COL12A1: variants seen among roughly 807,000 people sequenced by gnomAD.
COL12A1 encodes the protein collagen type XII alpha 1 chain.
Under a neutral mutation model 349.7 loss-of-function variants are expected in COL12A1, and 114 were observed. The ratio of observed to expected loss-of-function variants is 0.33; its 90% confidence interval spans 0.28 to 0.38. The LOEUF is 0.38. COL12A1 is among the 10% of genes least tolerant of loss of function. The probability of loss-of-function intolerance (pLI) is 1.00; values close to 1 mark genes in which losing one functional copy is unlikely to be tolerated. For missense variants in COL12A1, 3,284 were observed against 3,756.9 expected (o/e 0.87, Z 3.29); for synonymous variants, 1,369 against 1,329.0 (o/e 1.03, Z -0.66).
At chr6:75,132,962 C>T (rs996539800) in intron 34 of COL12A1, among the ~76,000 whole-genome samples, 9 of 152,094 alleles carry the variant, frequency 5.9e-5, no homozygotes, top group Non-Finnish European at 1.3e-4. Flanking sequence ...CTATGAAAGC[C>T]AATTGTAAAG....
chr6:75,177,714 A>G lies in COL12A1; in HGVS notation c.2386T>C (p.Tyr796His). 6.2e-7 allele frequency: 1 copy of G among 1,614,094 alleles called. No individual in the cohort carries two copies. The highest frequency in any genetic ancestry group is 8.5e-7 in the Non-Finnish European group (1 of 1,179,994). ...TKYEVSVIPE[Y>H]FSGPGTPLTG... ...AATGGAGTACCAGGTCCTGAGAAAT[A>G]TTCAGGAATTACAGATACTTCATAT... Residue 796 changes from tyrosine (Y) to histidine (H), a missense_variant, in exon 12 of 66, where the codon TAT (tyrosine) becomes CAT (histidine). Coordinates refer to ENST00000322507, the MANE Select transcript of COL12A1 (RefSeq NM_004370.6).
At chr6:75,103,698 T>TGAACAACCAG in intron 55 of COL12A1, 59 bp downstream of exon 55, 1 of 1,508,416 alleles carries the variant, frequency 6.6e-7, no homozygotes, top group Non-Finnish European at 9.2e-7. Context: ...TGTGAAAATT[T>TGAACAACCAG]GAACAACCAG....
At chr6:75,131,849 T>A (rs1304426994) in intron 35 of COL12A1, 91 bp downstream of exon 35, 1 of 1,392,932 alleles carries the variant, frequency 7.2e-7, no homozygotes, top group East Asian at 2.4e-5. Context: ...CTGGCATGTT[T>A]GTGGTTTGTG....
intron 54 of COL12A1, among the ~76,000 whole-genome samples, chr6:75,104,904 G>A (rs59737607): frequency 0.04 from 6,039 of 152,168 alleles, 213 homozygotes; most frequent in East Asian, 0.19. Flanking sequence ...GGAATTTTCA[G>A]TCATGTAATT....
chr6:75,201,932 T>C (rs1380827726), intron 2 of COL12A1, among the ~76,000 whole-genome samples: 1 of 152,216 alleles, frequency 6.6e-6, no homozygotes, highest in Non-Finnish European at 1.5e-5. Context: ...CGCACCCGGC[T>C]GTCCCTGAGG....
intron 43 of COL12A1, 121 bp from the exon 44 acceptor site, chr6:75,121,562 G>T: frequency 8.6e-7 from 1 of 1,161,120 alleles, no homozygotes; most frequent in Non-Finnish European, 1.2e-6. Context: ...TGCAGCAACA[G>T]CACTGCCTGG....
In COL12A1 at chr6:75,121,445, C is replaced by CA. The variant is rs1354244271; in HGVS notation, c.6947-5dup. ...TCTGCCTTGGCCCCTTTGCATACTG[C>CA]AAAAAAAGAAAGCAGAGGAAGCCCC... is the stretch of plus-strand genomic sequence containing the variant. On this transcript the variant is annotated splice_polypyrimidine_tract_variant and splice_region_variant and intron_variant, in intron 43 of 65. Coordinates refer to ENST00000322507, the MANE Select transcript of COL12A1 (RefSeq NM_004370.6). 12 of 1,533,546 alleles carry CA rather than the reference C, an allele frequency of 7.8e-6. No individual in the cohort carries two copies. The highest frequency in any genetic ancestry group is 3.7e-5 in the South Asian group (3 of 80,224). The allele number at this position is 1,533,546 out of a possible 1,614,324, so 95.0% of individuals were successfully genotyped here.
In COL12A1 at chr6:75,176,361, T is replaced by C. The variant is rs141152228; in HGVS notation, c.2438-1051A>G. Among the ~76,000 whole-genome samples the C allele has an allele frequency of 2.4e-3, 302 of 126,966 alleles. 2 individuals carry two copies. The highest frequency in any genetic ancestry group is 0.011 in the Middle Eastern group (2 of 180). The allele number at this position is 126,966 out of a possible 152,430, so 83.3% of individuals were successfully genotyped here. Reference sequence around the variant, plus strand: ...GATGCAGTGGGAGGAGGGAGAGGGATGCTGTGGGAGGTGGGAGAGTGATGC... The same window carrying C: ...GATGCAGTGGGAGGAGGGAGAGGGACGCTGTGGGAGGTGGGAGAGTGATGC... On this transcript the variant is annotated intron_variant, in intron 12 of 65. Coordinates refer to ENST00000322507, the MANE Select transcript of COL12A1 (RefSeq NM_004370.6).
In COL12A1 at chr6:75,113,158, T is replaced by C; in HGVS notation, c.7950+46A>G. ...ATTTTAATAAATAATAAATTTGTTT[T>C]ATATTTTTTTCTAGAAATAAGACTC... is the stretch of plus-strand genomic sequence containing the variant. On this transcript the variant is annotated intron_variant, in intron 51 of 65. Transcript: ENST00000322507. The C allele has an allele frequency of 3.0e-6, 3 of 1,004,010 alleles. No individual in the cohort carries two copies. In the South Asian group the frequency reaches 5.5e-5, roughly 18 times the overall value. The allele number at this position is 1,004,010 out of a possible 1,614,324, so 62.2% of individuals were successfully genotyped here. A position where few individuals can be genotyped will look rare whatever the true frequency, so the allele number is the denominator to read the frequency against.
At position 75,144,147 on chromosome 6, in the gene COL12A1, A is replaced by T. The variant is rs1024498473; in HGVS notation, c.4691-759T>A. Among the ~76,000 whole-genome samples, 8 of 152,108 alleles carry T rather than the reference A, an allele frequency of 5.3e-5. 1 individual carries two copies. The highest frequency in any genetic ancestry group is 1.9e-4 in the African/African-American group (8 of 41,464). Reference sequence around the variant, plus strand: ...TCTTGTGTATCTCTCTCTGCCCTCCATTCCTCTACTGTTCCAGTCCAGCAC... The same window carrying T: ...TCTTGTGTATCTCTCTCTGCCCTCCTTTCCTCTACTGTTCCAGTCCAGCAC... On this transcript the variant is annotated intron_variant, in intron 25 of 65. Coordinates refer to ENST00000322507, the MANE Select transcript of COL12A1 (RefSeq NM_004370.6).
Position 75,164,737 on chromosome 6 carries a change from T to C in COL12A1, c.2983+770A>G, listed in dbSNP as rs554417223. On this transcript the variant is annotated intron_variant, in intron 14 of 65. Coordinates refer to ENST00000322507, the MANE Select transcript of COL12A1 (RefSeq NM_004370.6). ...CAACTGCTGAACCTACACTGACACA[T>C]GATTATCACTTAAACAAATAACCTT... Among the ~76,000 whole-genome samples, 167 of 152,212 alleles carry C rather than the reference T, an allele frequency of 1.1e-3. 1 individual carries two copies. The highest frequency in any genetic ancestry group is 4.6e-3 in the South Asian group (22 of 4,824).
At chr6:75,126,730 C>T (rs908201424) in intron 38 of COL12A1, among the ~76,000 whole-genome samples, 5 of 152,044 alleles carry the variant, frequency 3.3e-5, no homozygotes, top group African/African-American at 9.7e-5. Context: ...GTATCCAGAG[C>T]GGAAGTGTTC....
At chr6:75,096,827 C>T (rs1416035778) in intron 59 of COL12A1, among the ~76,000 whole-genome samples, 2 of 133,920 alleles carry the variant, frequency 1.5e-5, no homozygotes, top group South Asian at 2.6e-4. Flanking sequence ...ACCCGGGAGG[C>T]GGAGCTTGCA....
chr6:75,145,217 G>T, intron 25 of COL12A1, 109 bp downstream of exon 25: 2 of 1,099,984 alleles, frequency 1.8e-6, no homozygotes, highest in Non-Finnish European at 2.4e-6. Context: ...TAATAACTGT[G>T]ACTTTGTATA....
intron 1 of COL12A1, among the ~76,000 whole-genome samples, chr6:75,204,554 G>C (rs1018041052): frequency 2.6e-5 from 4 of 152,146 alleles, no homozygotes; most frequent in Admixed American, 1.3e-4. Context: ...ACATTCATTT[G>C]AATGCTTAGC....
intron 60 of COL12A1, among the ~76,000 whole-genome samples, chr6:75,093,820 T>A (rs1214208995): frequency 6.6e-6 from 1 of 152,212 alleles, no homozygotes; most frequent in Non-Finnish European, 1.5e-5. Context: ...GAGATCATAT[T>A]TCAAGTAATA....
chr6:75,178,164 A>C (rs1390655807), intron 11 of COL12A1, among the ~76,000 whole-genome samples: 2 of 152,206 alleles, frequency 1.3e-5, no homozygotes, highest in African/African-American at 2.4e-5. Context: ...AAGTACTGTT[A>C]ATTTTTTAAT....
intron 22 of COL12A1, 74 bp downstream of exon 22, chr6:75,148,284 T>C (rs1582132753): frequency 1.4e-6 from 2 of 1,451,568 alleles, no homozygotes; most frequent in East Asian, 2.3e-5. Context: ...CACCTAACAT[T>C]ATTCTCAGAG....
chr6:75,119,840 C>T (rs1026953709), intron 44 of COL12A1, among the ~76,000 whole-genome samples: 2 of 152,182 alleles, frequency 1.3e-5, no homozygotes, highest in Non-Finnish European at 2.9e-5. Context: ...ACAGTTGACT[C>T]AGCCAACTGC....
Sources: gnomAD v4.1 joint callset for allele counts (sites outside exome capture counted in the v4.1 genomes callset) on GRCh38, gnomAD v4.1.1 for gene constraint, MANE v1.5 for transcripts, NCBI Gene and HGNC (gene_info 2026-07-23, HGNC 2026-07-21) for gene names.